SCG3: variants seen among roughly 807,000 people sequenced by gnomAD.
The protein encoded by SCG3 is secretogranin III.
In SCG3, 38 loss-of-function variants were observed where a neutral mutation model predicts 56.2. The observed-to-expected ratio is 0.68, with a 90% CI of 0.52 to 0.89. SCG3 has a LOEUF of 0.89. Ranked by LOEUF, SCG3 falls within the 40% of genes least tolerant of loss-of-function variation. The pLI is 0.00. For missense variants in SCG3, 524 were observed against 540.7 expected, an observed-to-expected ratio of 0.97 and a Z score of 0.31; for synonymous variants, 176 against 184.2, an observed-to-expected ratio of 0.96 and a Z score of 0.36.
intron 10 of SCG3, among the ~76,000 whole-genome samples, chr15:51,706,342 T>C (rs367687770): frequency 6.6e-6 from 1 of 152,198 alleles, no homozygotes; most frequent in Non-Finnish European, 1.5e-5. Context: ...AAGCAAGCTT[T>C]GAAATGGCCC....
Position 51,683,223 on chromosome 15 carries a change from C to T in SCG3, c.186C>T (p.Asn62=), listed in dbSNP as rs2055206259. The change falls in exon 4 of 12, where the codon AAC becomes AAT. Residue 62 remains asparagine, a synonymous_variant. Coordinates refer to ENST00000220478, the MANE Select transcript of SCG3 (RefSeq NM_013243.4). ...DKIKKTYPPE[N]KPGQSNYSFV... ...GGTTTGGGGCTATTCTTCCAGAAAA[C>T]AAGCCAGGTCAGAGCAACTATTCTT... is the stretch of plus-strand genomic sequence containing the variant. The T allele has an allele frequency of 6.2e-7, 1 of 1,612,358 alleles. No individual in the cohort carries two copies. Among genetic ancestry groups the T allele is most frequent in the Non-Finnish European group, 8.5e-7 (1 of 1,179,314 alleles).
chr15:51,712,610 C>T (rs1360232777), intron 10 of SCG3, among the ~76,000 whole-genome samples: 1 of 152,224 alleles, frequency 6.6e-6, no homozygotes, highest in Non-Finnish European at 1.5e-5. Context: ...CCAGATTCCT[C>T]ATCTCTCAGT....
At chr15:51,712,757 G>A (rs984773694) in intron 10 of SCG3, among the ~76,000 whole-genome samples, 1 of 152,158 alleles carries the variant, frequency 6.6e-6, no homozygotes, top group Non-Finnish European at 1.5e-5. Flanking sequence ...TTTTATTAGA[G>A]CCAGTTCTAA....
chr15:51,685,710 G>C (rs1166342282), intron 4 of SCG3, among the ~76,000 whole-genome samples: 1 of 152,224 alleles, frequency 6.6e-6, no homozygotes, highest in Non-Finnish European at 1.5e-5. Context: ...TGCCGGATGT[G>C]TTCCCAGACC....
At chr15:51,714,472 AG>A (rs142758318) in intron 11 of SCG3, among the ~76,000 whole-genome samples, 6,232 of 152,318 alleles carry the variant, frequency 0.041, 394 homozygotes, top group African/African-American at 0.14. Flanking sequence ...CATGTGGAGA[AG>A]GAGGATTCTG....
chr15:51,710,974 T>G (rs2055417046), intron 10 of SCG3, among the ~76,000 whole-genome samples: 1 of 152,078 alleles, frequency 6.6e-6, no homozygotes, highest in Non-Finnish European at 1.5e-5. Flanking sequence ...GTGAAGTAGC[T>G]TCATTGGGAA....
intron 10 of SCG3, among the ~76,000 whole-genome samples, chr15:51,709,416 A>G (rs2055397377): frequency 1.3e-5 from 2 of 152,012 alleles, no homozygotes; most frequent in South Asian, 4.1e-4. Context: ...TGGGCATGTC[A>G]TTTAACCTCT....
In SCG3 at chr15:51,711,062, G is replaced by A. The variant is rs140773125; in HGVS notation, c.1208-2271G>A. 4.4e-3 allele frequency among the ~76,000 whole-genome samples: 667 copies of A among 152,294 alleles called. 3 individuals carry two copies. The highest frequency in any genetic ancestry group is 0.015 in the African/African-American group (642 of 41,560). On this transcript the variant is annotated intron_variant, in intron 10 of 11. Transcript: ENST00000220478. ...AAGCCAATATAAGGTGTGATAATGA[G>A]CAAGCTTCAGCATGGGCGACTAGAG... is the stretch of plus-strand genomic sequence containing the variant.
At chr15:51,710,874 G>C (rs372728469) in intron 10 of SCG3, among the ~76,000 whole-genome samples, 2 of 151,172 alleles carry the variant, frequency 1.3e-5, no homozygotes, top group Non-Finnish European at 2.9e-5. Context: ...GGGATCACAG[G>C]TGTGAGCCAC....
intron 9 of SCG3, 33 bp downstream of exon 9, chr15:51,699,435 G>C: frequency 4.5e-6 from 6 of 1,336,572 alleles, no homozygotes; most frequent in Non-Finnish European, 6.3e-6. Flanking sequence ...TTAGCCTTTA[G>C]AATAATAACC....
chr15:51,693,175 C>CATGT (rs1019549256), intron 7 of SCG3: 38 of 152,252 alleles, frequency 2.5e-4, no homozygotes, highest in African/African-American at 8.4e-4. Context: ...TATTAGCATA[C>CATGT]ATGTTGTCAT....
At chr15:51,681,962 C>A in intron 1 of SCG3, 125 bp downstream of exon 1, 2 of 689,392 alleles carry the variant, frequency 2.9e-6, no homozygotes, top group Non-Finnish European at 2.6e-6. Flanking sequence ...TCCATGAATA[C>A]GGACAGAGAA....
At chr15:51,710,091 G>C (rs546875352) in intron 10 of SCG3, among the ~76,000 whole-genome samples, 1 of 151,692 alleles carries the variant, frequency 6.6e-6, no homozygotes, top group Admixed American at 6.6e-5. Flanking sequence ...TGCTGACTGG[G>C]CAATCTTCTA....
chr15:51,691,769 G>A (rs796455618), intron 6 of SCG3, among the ~76,000 whole-genome samples: 21 of 152,298 alleles, frequency 1.4e-4, no homozygotes, highest in African/African-American at 5.1e-4. Flanking sequence ...AGGCTTTCCT[G>A]TATCCTGGCA....
At chr15:51,700,550 G>A (rs1227574061) in intron 9 of SCG3, among the ~76,000 whole-genome samples, 4 of 152,132 alleles carry the variant, frequency 2.6e-5, no homozygotes, top group Non-Finnish European at 5.9e-5. Flanking sequence ...CGAATTTAGG[G>A]TTCCTAGGGG....
chr15:51,699,970 G>A (rs868301623), intron 9 of SCG3, among the ~76,000 whole-genome samples: 2 of 152,138 alleles, frequency 1.3e-5, no homozygotes, highest in East Asian at 3.9e-4. Flanking sequence ...GGAGGAGGGT[G>A]GAACAAAAAG....
intron 9 of SCG3, 121 bp from the exon 10 acceptor site, chr15:51,700,986 T>C (rs1028355750): frequency 9.9e-6 from 13 of 1,314,884 alleles, no homozygotes; most frequent in Non-Finnish European, 1.4e-5. Context: ...TAAGATCCCT[T>C]TCAACTCAAA....
Position 51,713,466 on chromosome 15 carries a change from CTTG to C in SCG3, c.1288+56_1288+58del, listed in dbSNP as rs2055433933. On this transcript the variant is annotated intron_variant, in intron 11 of 11. Transcript: ENST00000220478. Reference sequence around the variant, plus strand: ...AAACTTCACCCATTTGTCAGGGGCTCTTGTTATATAAAAATTCCCACAGTCAAA... The same window carrying C: ...AAACTTCACCCATTTGTCAGGGGCTCTTATATAAAAATTCCCACAGTCAAA... 3 of 1,210,318 alleles carry C rather than the reference CTTG, an allele frequency of 2.5e-6. No individual in the cohort carries two copies. The East Asian group carries it at 7.3e-5, about 29-fold the overall frequency. The allele number at this position is 1,210,318 out of a possible 1,614,324, so 75.0% of individuals were successfully genotyped here.
intron 11 of SCG3, among the ~76,000 whole-genome samples, chr15:51,717,036 G>C (rs1040258418): frequency 5.3e-5 from 8 of 152,018 alleles, no homozygotes; most frequent in Non-Finnish European, 1.0e-4. Context: ...GACCAGCCTG[G>C]TCAACATAGC....
Sources: allele counts gnomAD v4.1 joint callset (sites outside exome capture counted in the v4.1 genomes callset), GRCh38; gene constraint gnomAD v4.1.1; transcripts MANE v1.5; gene names NCBI Gene and HGNC (gene_info 2026-07-23, HGNC 2026-07-21).